Variants in AVEN observed in about 807,000 individuals in gnomAD.
AVEN encodes the protein cell death regulator Aven.
AVEN carries 41 observed loss-of-function variants against 38.1 expected under a neutral mutation model. The observed-to-expected ratio is 1.08, with a 90% CI of 0.84 to 1.40. The LOEUF is 1.40. Among genes scored for constraint, AVEN ranks in the 40% most tolerant of loss-of-function variants. The pLI is 0.00. For synonymous variants in AVEN, 206 were observed against 171.8 expected, an observed-to-expected ratio of 1.20 and a Z score of -1.56; for missense variants, 605 against 438.8, an observed-to-expected ratio of 1.38 and a Z score of -3.38.
At chr15:34,004,195 T>A (rs77742998) in intron 1 of AVEN, among the ~76,000 whole-genome samples, 12,026 of 152,272 alleles carry the variant, frequency 0.079, 642 homozygotes, top group Non-Finnish European at 0.12. Context: ...ATAAAAAAGT[T>A]CCCTGTATTA....
At chr15:33,871,774 C>CAAAAAAAAAAAAAAAA (rs55793582) in intron 3 of AVEN, among the ~76,000 whole-genome samples, 83 of 91,574 alleles carry the variant, frequency 9.1e-4, no homozygotes, top group Middle Eastern at 5.8e-3. Flanking sequence ...CTAGTCTCCT[C>CAAAAAAAAAAAAAAAA]AAAAAAAAAA....
At chr15:33,868,485 C>G (rs1464982534) in intron 4 of AVEN, among the ~76,000 whole-genome samples, 2 of 135,582 alleles carry the variant, frequency 1.5e-5, no homozygotes, top group East Asian at 4.5e-4. Flanking sequence ...GCGGAGCTTG[C>G]AGTAAGCTGA....
rs190511855 is a variant in AVEN, at chr15:33,911,995, A to T, written c.446-36000T>A. On this transcript the variant is annotated intron_variant, in intron 2 of 5. Transcript: ENST00000306730. ...AGGAGAGAGGGAACCCCAGGCTTCA[A>T]GGAAGATTTGTGTCATCTATATATT... Among the ~76,000 whole-genome samples, 35 of 152,340 alleles carry T rather than the reference A, an allele frequency of 2.3e-4. No homozygotes were observed. The East Asian group carries it at 6.7e-3, about 29-fold the overall frequency.
At chr15:33,981,503 A>G (rs1367788329) in intron 2 of AVEN, among the ~76,000 whole-genome samples, 5 of 152,178 alleles carry the variant, frequency 3.3e-5, no homozygotes, top group Admixed American at 1.3e-4. Context: ...AATGGGGGGA[A>G]GGGGAGGAAA....
At chr15:33,854,217 C>T (rs1285971981), downstream of AVEN, among the ~76,000 whole-genome samples, 1 of 149,674 alleles carries the variant, frequency 6.7e-6, no homozygotes, top group Non-Finnish European at 1.5e-5. Flanking sequence ...AAAATTCAGG[C>T]TATGTGATTC....
chr15:34,054,940 C>G (rs1451352785), intron 5 of AVEN, among the ~76,000 whole-genome samples: 1 of 152,202 alleles, frequency 6.6e-6, no homozygotes, highest in East Asian at 1.9e-4. Flanking sequence ...CACCTGTAAT[C>G]CCAGCACTTT....
chr15:33,961,773 A>G (rs189466015), intron 2 of AVEN, among the ~76,000 whole-genome samples: 1,537 of 130,842 alleles, frequency 0.012, 19 homozygotes, highest in Admixed American at 0.045. Flanking sequence ...AGATCGCGCC[A>G]CTGCACTCCA....
downstream of AVEN, chr15:33,864,326 AC>A (rs1396304427): frequency 3.0e-6 from 2 of 666,556 alleles, no homozygotes; most frequent in Admixed American, 2.8e-5. Context: ...CCTTTTTGTG[AC>A]TCAATAAGAA....
intron 2 of AVEN, among the ~76,000 whole-genome samples, chr15:33,999,824 A>G (rs1181868111): frequency 6.6e-6 from 1 of 152,096 alleles, no homozygotes; most frequent in Non-Finnish European, 1.5e-5. Flanking sequence ...GTTCCTTCCA[A>G]CACAGCAGAG....
intron 2 of AVEN, among the ~76,000 whole-genome samples, chr15:33,989,422 T>C (rs8042524): frequency 0.22 from 32,984 of 151,192 alleles, 4,080 homozygotes; most frequent in Middle Eastern, 0.41. Flanking sequence ...GGAGGTATTA[T>C]TTCTAACAGC....
chr15:33,983,680 G>A (rs923151976), intron 2 of AVEN, among the ~76,000 whole-genome samples: 20 of 152,054 alleles, frequency 1.3e-4, no homozygotes, highest in African/African-American at 3.9e-4. Context: ...TACTCGCATC[G>A]TCTTGAGTGT....
downstream of AVEN, chr15:33,864,122 CTT>C (rs768272154): frequency 2.0e-5 from 32 of 1,598,938 alleles, no homozygotes; most frequent in Middle Eastern, 5.0e-4. Flanking sequence ...CTAATACTAT[CTT>C]TTCCTCGTTC....
At chr15:33,857,863 C>A (rs752422188), downstream of AVEN, 1 of 1,614,080 alleles carries the variant, frequency 6.2e-7, no homozygotes, top group African/African-American at 1.3e-5. Flanking sequence ...AGTTCTACAA[C>A]AAAAGCGAAG....
downstream of AVEN, chr15:33,857,679 C>A: frequency 1.4e-6 from 2 of 1,464,950 alleles, no homozygotes; most frequent in Non-Finnish European, 1.9e-6. Flanking sequence ...CTCTCCTTGC[C>A]CGTCCTCACT....
intron 2 of AVEN, among the ~76,000 whole-genome samples, chr15:33,992,204 G>C (rs893078326): frequency 6.6e-6 from 1 of 152,178 alleles, no homozygotes; most frequent in African/African-American, 2.4e-5. Flanking sequence ...TGGCTAACAA[G>C]GTGAAACCCC....
At chr15:34,032,055 A>G (rs927124995) in intron 1 of AVEN, among the ~76,000 whole-genome samples, 2 of 145,432 alleles carry the variant, frequency 1.4e-5, no homozygotes, top group Non-Finnish European at 3.1e-5. Context: ...CTTCTAACAA[A>G]AGAAAAAAAA....
chr15:34,061,167 G>C (rs1038633198), intron 5 of AVEN, among the ~76,000 whole-genome samples: 3 of 152,092 alleles, frequency 2.0e-5, no homozygotes, highest in Admixed American at 6.6e-5. Flanking sequence ...AAAATGGGGA[G>C]CTTGCAAGCT....
chr15:34,055,834 A>G (rs958207780), intron 5 of AVEN, among the ~76,000 whole-genome samples: 84 of 152,230 alleles, frequency 5.5e-4, no homozygotes, highest in African/African-American at 1.9e-3. Context: ...AAAAATAAAC[A>G]AATAAATAAA....
chr15:34,063,901 A>G lies in AVEN; in HGVS notation n.1127-469T>C, dbSNP rs1479606240. The stretch of plus-strand genomic sequence containing the variant: ...GCTGACGGGAACCAGGAGACCAACA[A>G]TGGCTGTCACAAGGTGAAAATCATG... On this transcript the variant is annotated intron_variant and non_coding_transcript_variant, in intron 4 of 11. Transcript: ENST00000675287. The surrounding 1 kb of genome is among the most constrained non-coding windows in gnomAD (Gnocchi z 4.1). The G allele has an allele frequency of 1.2e-6, 2 of 1,614,212 alleles. No individual in the cohort carries two copies. The highest frequency in any genetic ancestry group is 1.7e-6 in the Non-Finnish European group (2 of 1,180,036).
Sources: allele counts gnomAD v4.1 joint callset (sites outside exome capture counted in the v4.1 genomes callset), GRCh38; gene constraint gnomAD v4.1.1; non-coding constraint Gnocchi (gnomAD v3.1); transcripts MANE v1.5; gene names NCBI Gene and HGNC (gene_info 2026-07-23, HGNC 2026-07-21).